TNC: variants seen among roughly 807,000 people sequenced by gnomAD.
The protein encoded by TNC is tenascin.
In TNC, 109 loss-of-function variants were observed where a neutral mutation model predicts 202.4. The observed-to-expected ratio is 0.54, with a 90% confidence interval of 0.46 to 0.63. The LOEUF (loss-of-function observed/expected upper bound fraction) is 0.63, where lower values mean the gene tolerates loss of function less well. Among genes scored for constraint, TNC ranks in the 30% least tolerant of loss-of-function variants. TNC has a pLI of 0.00. For synonymous variants in TNC, 1,007 were observed against 1,089.7 expected, an observed-to-expected ratio of 0.92 and a Z score of 1.50; for missense variants, 2,756 against 2,833.3, an observed-to-expected ratio of 0.97 and a Z score of 0.62.
At chr9:115,074,277 A>G (rs1006405702) in intron 9 of TNC, among the ~76,000 whole-genome samples, 22 of 152,198 alleles carry the variant, frequency 1.4e-4, no homozygotes, top group African/African-American at 4.8e-4. Flanking sequence ...TAAAGTTCTT[A>G]TGTTGAAACC....
intron 6 of TNC, among the ~76,000 whole-genome samples, chr9:115,080,914 T>C (rs1367105332): frequency 6.6e-6 from 1 of 151,574 alleles, no homozygotes; most frequent in Non-Finnish European, 1.5e-5. Context: ...AAAAAAAATG[T>C]TTCCTGGTGG....
intron 10 of TNC, among the ~76,000 whole-genome samples, chr9:115,065,993 A>G (rs989279256): frequency 6.6e-6 from 1 of 151,526 alleles, no homozygotes; most frequent in Admixed American, 6.6e-5. Context: ...TTGGGATTTC[A>G]TCAGTTTCTA....
chr9:115,061,053 G>T (rs1307598188), intron 13 of TNC, among the ~76,000 whole-genome samples: 1 of 152,194 alleles, frequency 6.6e-6, no homozygotes, highest in Non-Finnish European at 1.5e-5. Context: ...AAAACCCATT[G>T]TTTTGTGGGA....
At chr9:115,057,500 G>T (rs996990355) in intron 14 of TNC, 75 bp from the exon 15 acceptor site, 10 of 1,424,950 alleles carry the variant, frequency 7.0e-6, no homozygotes, top group South Asian at 1.4e-5. Flanking sequence ...TAAGATTGAG[G>T]TTGTTAATAG....
intron 24 of TNC, 145 bp from the exon 25 acceptor site, chr9:115,029,601 C>T: frequency 1.4e-6 from 1 of 738,262 alleles, no homozygotes; most frequent in East Asian, 2.6e-5. Flanking sequence ...TTTGGGTGGT[C>T]ACCTGCCCCT....
chr9:115,081,956 G>T, intron 5 of TNC, 28 bp from the exon 6 acceptor site: 1 of 1,566,398 alleles, frequency 6.4e-7, no homozygotes, highest in African/African-American at 1.4e-5. Context: ...CTTGGTAAGA[G>T]TTAGGGGAGG....
At chr9:115,088,693 G>T (rs1225398278) in intron 2 of TNC, among the ~76,000 whole-genome samples, 2 of 151,640 alleles carry the variant, frequency 1.3e-5, no homozygotes, top group East Asian at 1.9e-4. Context: ...CAGGAAGAAA[G>T]AATTTTTTAA....
intron 15 of TNC, chr9:115,052,857 C>A: frequency 1.4e-6 from 1 of 702,704 alleles, no homozygotes; most frequent in South Asian, 1.5e-5. Flanking sequence ...TGCTTTGCAT[C>A]TCCTGAGACT....
intron 17 of TNC, among the ~76,000 whole-genome samples, chr9:115,043,488 T>C (rs1830932291): frequency 2.0e-5 from 3 of 152,096 alleles, no homozygotes; most frequent in South Asian, 4.1e-4. Flanking sequence ...GCAGGTCCCT[T>C]CACTTCTGTG....
Position 115,035,955 on chromosome 9 carries a change from G to A in TNC, c.5656+143C>T. 3.1e-6 allele frequency: 3 copies of A among 967,552 alleles called. No homozygotes were observed. The South Asian group carries it at 4.8e-5, about 16-fold the overall frequency. 59.9% of individuals were successfully genotyped at this position (967,552 alleles called of 1,614,324 possible). On this transcript the variant is annotated intron_variant, in intron 21 of 27. Transcript: ENST00000350763. ...TTCAGGCCTTGACTGAGTGGGCACT[G>A]GTGAATTTAAGTGATGCTGATGTAA...
intron 2 of TNC, among the ~76,000 whole-genome samples, 198 bp downstream of exon 2, chr9:115,090,364 G>T (rs577470620): frequency 6.6e-6 from 1 of 152,316 alleles, no homozygotes; most frequent in Non-Finnish European, 1.5e-5. Flanking sequence ...AGAAGCAGTT[G>T]TCGCCGTGAC....
chr9:115,086,699 G>T lies in TNC; in HGVS notation c.1032C>A (p.Pro344=). The change falls in exon 3 of 28, where the codon CCC becomes CCA. Residue 344 remains proline, a synonymous_variant. Coordinates refer to ENST00000350763, the MANE Select transcript of TNC (RefSeq NM_002160.4). ...GGGTGTGGCAGGCATGTGGGCAGGT[G>T]GGTTTCCCGCAGTCTTCACCTGTGA... ...EGFTGEDCGK[P]TCPHACHTQG... is the part of the protein sequence containing the mutation. 6.2e-7 allele frequency: 1 copy of T among 1,614,094 alleles called. No homozygotes were observed. Among genetic ancestry groups the T allele is most frequent in the African/African-American group, 1.3e-5 (1 of 75,052 alleles).
intron 16 of TNC, 39 bp from the exon 17 acceptor site, chr9:115,046,721 A>C: frequency 6.2e-7 from 1 of 1,607,874 alleles, no homozygotes; most frequent in Non-Finnish European, 8.5e-7. Flanking sequence ...GAGGAAAGAC[A>C]ACATCATTTA....
At chr9:115,025,981 G>A (rs774874101) in intron 26 of TNC, among the ~76,000 whole-genome samples, 141 of 152,270 alleles carry the variant, frequency 9.3e-4, no homozygotes, top group Non-Finnish European at 1.2e-3. Context: ...GGGATGTCTT[G>A]GAAGAGATTC....
In TNC at chr9:115,035,842, T is replaced by C. The variant is rs934774993; in HGVS notation, c.5656+256A>G. On this transcript the variant is annotated intron_variant, in intron 21 of 27. Coordinates refer to ENST00000350763, the MANE Select transcript of TNC (RefSeq NM_002160.4). ...GTTTAGGGCCAGTGGGAACTGTTTT[T>C]CCACTTACAAAGCCCTCCTCTTAAA... 1.4e-5 allele frequency: 6 copies of C among 444,234 alleles called. No individual in the cohort carries two copies. In the South Asian group the frequency reaches 1.6e-4, roughly 12 times the overall value. The allele number at this position is 444,234 out of a possible 1,614,324, so 27.5% of individuals were successfully genotyped here.
At chr9:115,031,749 A>G in intron 22 of TNC, 64 bp from the exon 23 acceptor site, 3 of 1,566,976 alleles carry the variant, frequency 1.9e-6, no homozygotes, top group Admixed American at 4.1e-5. Flanking sequence ...ATAGATAAGA[A>G]GTCATTCTAT....
At chr9:115,084,104 C>T (rs1834519306) in intron 4 of TNC, 105 bp downstream of exon 4, 1 of 1,242,762 alleles carries the variant, frequency 8.0e-7, no homozygotes, top group Non-Finnish European at 1.1e-6. Flanking sequence ...TTTGGTATAA[C>T]TGTAAAGAAC....
intron 4 of TNC, among the ~76,000 whole-genome samples, chr9:115,083,815 G>A (rs1834497367): frequency 6.6e-6 from 1 of 152,138 alleles, no homozygotes; most frequent in African/African-American, 2.4e-5. Context: ...ATGCTGGCCA[G>A]GCTGGTCTTG....
At chr9:115,070,280 C>A (rs966747137) in intron 10 of TNC, among the ~76,000 whole-genome samples, 2 of 152,172 alleles carry the variant, frequency 1.3e-5, no homozygotes, top group African/African-American at 2.4e-5. Flanking sequence ...ATCTGAGCTG[C>A]TGAGTGAAAT....
Sources: gnomAD v4.1 joint callset for allele counts (sites outside exome capture counted in the v4.1 genomes callset) on GRCh38, gnomAD v4.1.1 for gene constraint, MANE v1.5 for transcripts, NCBI Gene and HGNC (gene_info 2026-07-23, HGNC 2026-07-21) for gene names.